The following GALM variants were observed in gnomAD, a reference collection of about 807,000 sequenced individuals.
The protein encoded by GALM is aldose 1-epimerase.
GALM carries 43 observed loss-of-function variants against 37.4 expected under a neutral mutation model. The ratio of observed to expected loss-of-function variants is 1.15; its 90% CI spans 0.90 to 1.48. The LOEUF is 1.48. Among genes scored for constraint, GALM ranks in the 40% most tolerant of loss-of-function variants. GALM has a pLI of 0.00. For missense variants in GALM, 456 were observed against 419.1 expected (o/e 1.09, Z -0.77); for synonymous variants, 199 against 170.6 (o/e 1.17, Z -1.30).
Position 38,718,478 on chromosome 2 carries a change from C to T in GALM, c.635-11078C>T, listed in dbSNP as rs1029529421. Among the ~76,000 whole-genome samples, 17 of 151,570 alleles carry T rather than the reference C, an allele frequency of 1.1e-4. 1 individual carries two copies. Among genetic ancestry groups the T allele is most frequent in the African/African-American group, 4.1e-4 (17 of 41,224 alleles). On this transcript the variant is annotated intron_variant, in intron 4 of 6. Coordinates refer to ENST00000272252, the MANE Select transcript of GALM (RefSeq NM_138801.3). ...CCTCCCAAAGTGCTGGAATTACAAG[C>T]GTGAGCCACTGCTCCCGGCCCAAGT...
intron 6 of GALM, among the ~76,000 whole-genome samples, chr2:38,733,220 CAAAAA>C (rs10555489): frequency 2.4e-5 from 3 of 123,554 alleles, no homozygotes; most frequent in Admixed American, 8.2e-5. Context: ...GACTCCATCT[CAAAAA>C]AAAAAAAAAA....
At chr2:38,726,830 A>G (rs1371362601) in intron 4 of GALM, among the ~76,000 whole-genome samples, 1 of 151,880 alleles carries the variant, frequency 6.6e-6, no homozygotes, top group East Asian at 2.0e-4. Context: ...TGGGAGGCCA[A>G]GGTTGTGGTG....
At chr2:38,683,718 G>A (rs559769604) in intron 3 of GALM, among the ~76,000 whole-genome samples, 6 of 151,964 alleles carry the variant, frequency 3.9e-5, no homozygotes, top group East Asian at 1.9e-4. Flanking sequence ...AGGCGCCCAC[G>A]ACCACGCCCA....
intron 2 of GALM, among the ~76,000 whole-genome samples, chr2:38,677,206 G>T (rs1330569660): frequency 6.6e-6 from 1 of 152,178 alleles, no homozygotes; most frequent in African/African-American, 2.4e-5. Context: ...GGCTGTGCAG[G>T]AGTAAATTTC....
At chr2:38,714,961 A>G in intron 4 of GALM, among the ~76,000 whole-genome samples, 1 of 152,152 alleles carries the variant, frequency 6.6e-6, no homozygotes, top group Non-Finnish European at 1.5e-5. Context: ...GGGGTTCTCA[A>G]CTATGATTGT....
chr2:38,690,201 G>A (rs1405667568), intron 4 of GALM, among the ~76,000 whole-genome samples: 1 of 152,088 alleles, frequency 6.6e-6, no homozygotes, highest in Non-Finnish European at 1.5e-5. Flanking sequence ...GCTGGGCGCG[G>A]TGGCTCACGC....
chr2:38,731,966 A>G (rs1332956767), intron 6 of GALM, 57 bp downstream of exon 6: 19 of 1,340,544 alleles, frequency 1.4e-5, no homozygotes, highest in Non-Finnish European at 2.0e-5. Context: ...ACACTGTACG[A>G]CAGAGTTCAC....
chr2:38,729,272 C>T (rs902506697), intron 4 of GALM, among the ~76,000 whole-genome samples: 8 of 152,056 alleles, frequency 5.3e-5, no homozygotes, highest in Non-Finnish European at 7.4e-5. Context: ...ACTGTAGCCT[C>T]GACCTCCTGG....
intron 4 of GALM, among the ~76,000 whole-genome samples, chr2:38,723,937 TGA>T (rs1666431950): frequency 6.6e-6 from 1 of 152,218 alleles, no homozygotes; most frequent in African/African-American, 2.4e-5. Context: ...TCTCTTTTTT[TGA>T]GACTCAGTCT....
chr2:38,711,831 C>T (rs200057547), intron 4 of GALM, among the ~76,000 whole-genome samples: 2 of 107,272 alleles, frequency 1.9e-5, no homozygotes, highest in African/African-American at 2.7e-5. Flanking sequence ...CTATCACCAC[C>T]ATCATCACCA....
chr2:38,712,121 CTT>C (rs1666185016), intron 4 of GALM, among the ~76,000 whole-genome samples: 1 of 152,160 alleles, frequency 6.6e-6, no homozygotes, highest in Non-Finnish European at 1.5e-5. Context: ...TAAATTTCTT[CTT>C]TTAGTCAGCA....
intron 2 of GALM, among the ~76,000 whole-genome samples, chr2:38,678,759 G>A (rs989507247): frequency 6.6e-6 from 1 of 152,236 alleles, no homozygotes; most frequent in Non-Finnish European, 1.5e-5. Flanking sequence ...CTCCTTCCTG[G>A]CAAATGCCAC....
chr2:38,709,846 C>T (rs1666113203), intron 4 of GALM, among the ~76,000 whole-genome samples: 1 of 152,206 alleles, frequency 6.6e-6, no homozygotes, highest in African/African-American at 2.4e-5. Flanking sequence ...ACGAAGATGG[C>T]TTAATGAGGT....
At chr2:38,729,719 G>A in intron 5 of GALM, 22 bp downstream of exon 5, 1 of 1,593,658 alleles carries the variant, frequency 6.3e-7, no homozygotes, top group Non-Finnish European at 8.6e-7. Flanking sequence ...TTCACTTCCT[G>A]AGTCTGTAAG....
chr2:38,701,613 G>C (rs1665920193), intron 4 of GALM, among the ~76,000 whole-genome samples: 1 of 152,122 alleles, frequency 6.6e-6, no homozygotes, highest in African/African-American at 2.4e-5. Context: ...ATTCTGGTAG[G>C]AAACGCTTGC....
At chr2:38,677,557 G>T (rs559378431) in intron 2 of GALM, among the ~76,000 whole-genome samples, 2 of 152,168 alleles carry the variant, frequency 1.3e-5, no homozygotes, top group African/African-American at 2.4e-5. Flanking sequence ...AGAAAGTAAG[G>T]CCCAGCCTGG....
intron 2 of GALM, chr2:38,680,013 A>C (rs746976346): frequency 8.8e-6 from 4 of 453,282 alleles, no homozygotes; most frequent in South Asian, 4.7e-5. Context: ...AATGCCTTTT[A>C]TTTATTTATT....
chr2:38,717,306 A>AGTGAGTGT (rs1276171770), intron 4 of GALM, among the ~76,000 whole-genome samples: 47 of 143,750 alleles, frequency 3.3e-4, no homozygotes, highest in Non-Finnish European at 5.5e-4. Flanking sequence ...GTATTAAGGG[A>AGTGAGTGT]GTGTGTGTGT....
chr2:38,703,762 C>G (rs979466555), intron 4 of GALM, among the ~76,000 whole-genome samples: 2 of 152,080 alleles, frequency 1.3e-5, no homozygotes, highest in Admixed American at 6.6e-5. Context: ...CTTGTAATCC[C>G]AGCACTTTGG....
Sources: gnomAD v4.1 joint callset for allele counts (sites outside exome capture counted in the v4.1 genomes callset) on GRCh38, gnomAD v4.1.1 for gene constraint, MANE v1.5 for transcripts, NCBI Gene and HGNC (gene_info 2026-07-23, HGNC 2026-07-21) for gene names.